TLN2: variants seen among roughly 807,000 people sequenced by gnomAD.
TLN2 encodes talin 2, also known as talin-2.
In TLN2, 118 loss-of-function variants were observed where a neutral mutation model predicts 294.7. The observed-to-expected ratio is 0.40, with a 90% CI of 0.34 to 0.47. The LOEUF (loss-of-function observed/expected upper bound fraction) is 0.47. Among genes scored for constraint, TLN2 ranks in the 20% least tolerant of loss-of-function variants. The pLI, the probability that TLN2 is intolerant of heterozygous loss-of-function variation, is 0.84. For missense variants in TLN2, 3,083 were observed against 3,282.2 expected, an observed-to-expected ratio of 0.94 and a Z score of 1.48; for synonymous variants, 1,431 against 1,304.5, an observed-to-expected ratio of 1.10 and a Z score of -2.09.
chr15:62,532,923 A>C (rs2041127046), intron 1 of TLN2, among the ~76,000 whole-genome samples: 1 of 152,136 alleles, frequency 6.6e-6, no homozygotes, highest in South Asian at 2.1e-4. Flanking sequence ...TCAAATTTTT[A>C]TGTGTGCAGG....
chr15:62,520,421 G>A (rs2040398589), intron 1 of TLN2, among the ~76,000 whole-genome samples: 1 of 152,186 alleles, frequency 6.6e-6, no homozygotes, highest in African/African-American at 2.4e-5. Flanking sequence ...AAGGCACAGA[G>A]CTGAGTAATG....
intron 44 of TLN2, among the ~76,000 whole-genome samples, 157 bp downstream of exon 44, chr15:62,781,398 C>G (rs1183269624): frequency 6.6e-6 from 1 of 152,228 alleles, no homozygotes; most frequent in Non-Finnish European, 1.5e-5. Context: ...TGTGGTCTTT[C>G]TGGCTGCCTG....
chr15:62,839,947 C>G (rs1454818926), intron 58 of TLN2, among the ~76,000 whole-genome samples: 1 of 152,186 alleles, frequency 6.6e-6, no homozygotes, highest in African/African-American at 2.4e-5. Context: ...ACAACTTTCC[C>G]TTTCCACACA....
At chr15:62,658,222 C>T (rs1040369761) in intron 9 of TLN2, 5 of 228,306 alleles carry the variant, frequency 2.2e-5, no homozygotes, top group East Asian at 1.3e-4. Flanking sequence ...AAGGTGTGAA[C>T]GCCAGTGTGG....
chr15:62,462,823 C>A (rs889571012), intron 1 of TLN2, among the ~76,000 whole-genome samples: 5 of 152,154 alleles, frequency 3.3e-5, no homozygotes, highest in South Asian at 2.1e-4. Flanking sequence ...CTCTTTCCCT[C>A]GTTCATTGCC....
chr15:62,484,116 G>A (rs994462367), intron 1 of TLN2, among the ~76,000 whole-genome samples: 1 of 152,142 alleles, frequency 6.6e-6, no homozygotes, highest in Non-Finnish European at 1.5e-5. Context: ...TCTGGAAGGC[G>A]GCTCTGGTGA....
chr15:62,593,723 A>C (rs572318956), intron 2 of TLN2, among the ~76,000 whole-genome samples: 7 of 152,338 alleles, frequency 4.6e-5, no homozygotes, highest in African/African-American at 1.7e-4. Flanking sequence ...AAGCCATTCT[A>C]TTCTGTTTAC....
chr15:62,719,803 G>A lies in TLN2; in HGVS notation c.2914G>A (p.Val972Met), dbSNP rs746979515. ...TCACATCCCTCAGCTGGTCCAGGGA[G>A]TGAGGGGGAGCCAAGCTCAAGCTGA... The part of the protein sequence containing the change: ...ADHIPQLVQG[V>M]RGSQAQAEDL... The change falls in exon 25 of 59, where the codon GTG (valine) becomes ATG (methionine). Residue 972 changes from valine to methionine, a missense_variant. Val to Met is a conservative substitution (Grantham distance 21, BLOSUM62 1). Transcript: ENST00000636159. The A allele has an allele frequency of 1.9e-6, 3 of 1,611,968 alleles. No individual in the cohort carries two copies. The highest frequency in any genetic ancestry group is 2.5e-6 in the Non-Finnish European group (3 of 1,178,922).
intron 9 of TLN2, among the ~76,000 whole-genome samples, chr15:62,667,830 G>A (rs900896005): frequency 5.3e-5 from 8 of 152,162 alleles, no homozygotes; most frequent in African/African-American, 1.9e-4. Context: ...AAGAAAATGA[G>A]GTTCGATTAT....
chr15:62,736,871 C>A lies in TLN2; in HGVS notation c.3359-7C>A, dbSNP rs746441745. ...TAATTGGAAATCTGATGGACTTTTT[C>A]CCCCAGGGGTGGCTGCTAGAGAGAC... On this transcript the variant is annotated splice_polypyrimidine_tract_variant and splice_region_variant and intron_variant, in intron 28 of 58. Coordinates refer to ENST00000636159, the MANE Select transcript of TLN2 (RefSeq NM_015059.3). 1.2e-6 allele frequency: 2 copies of A among 1,611,332 alleles called. No homozygotes were observed. Among genetic ancestry groups the A allele is most frequent in the Admixed American group, 3.3e-5 (2 of 59,830 alleles).
chr15:62,725,249 C>T (rs1022196115), intron 27 of TLN2, 145 bp downstream of exon 27: 217 of 1,258,710 alleles, frequency 1.7e-4, no homozygotes, highest in South Asian at 5.2e-5. Flanking sequence ...ATGCCCAGGG[C>T]AGCTGGAGGA....
intron 44 of TLN2, among the ~76,000 whole-genome samples, chr15:62,782,356 G>C (rs2064250685): frequency 6.6e-6 from 1 of 152,212 alleles, no homozygotes; most frequent in South Asian, 2.1e-4. Context: ...CCTTCTCAGG[G>C]GAGCATGGAG....
intron 1 of TLN2, among the ~76,000 whole-genome samples, chr15:62,437,918 A>G (rs1175578284): frequency 2.0e-5 from 3 of 152,190 alleles, no homozygotes; most frequent in Non-Finnish European, 2.9e-5. Flanking sequence ...TGGCAATGCA[A>G]CGGATTGATT....
rs2040842334 is a variant in TLN2 at position 62,528,192 on chromosome 15, A to G, written c.-237-61495A>G. ...TTACTGAAGCCAAAATATAATTTAA[A>G]TTGATAATTTGTTAAATGGATATGT... On this transcript the variant is annotated intron_variant, in intron 1 of 58. Coordinates refer to ENST00000636159, the MANE Select transcript of TLN2 (RefSeq NM_015059.3). 3.3e-5 allele frequency among the ~76,000 whole-genome samples: 5 copies of G among 152,350 alleles called. No individual in the cohort carries two copies. The South Asian group carries it at 1.0e-3, about 32-fold the overall frequency.
intron 1 of TLN2, among the ~76,000 whole-genome samples, chr15:62,582,265 T>TCATG (rs2045189894): frequency 9.2e-6 from 1 of 108,774 alleles, no homozygotes. Context: ...CCTGACCCAT[T>TCATG]CCTGACCCTG....
At chr15:62,810,343 C>T (rs955034974) in intron 52 of TLN2, among the ~76,000 whole-genome samples, 3 of 152,142 alleles carry the variant, frequency 2.0e-5, no homozygotes, top group African/African-American at 7.2e-5. Flanking sequence ...GCGGCCAGTG[C>T]CAACCTGAAA....
chr15:62,809,352 A>T (rs1289143351), intron 51 of TLN2, among the ~76,000 whole-genome samples: 1 of 152,150 alleles, frequency 6.6e-6, no homozygotes, highest in Non-Finnish European at 1.5e-5. Flanking sequence ...CGACTTTTGT[A>T]TAATATGAGA....
chr15:62,423,108 T>C (rs2034505244), intron 1 of TLN2, among the ~76,000 whole-genome samples: 1 of 152,182 alleles, frequency 6.6e-6, no homozygotes, highest in Non-Finnish European at 1.5e-5. Context: ...TAAAAAGTCA[T>C]TGGGACCTGG....
At chr15:62,590,010 T>TTTGTTG (rs1453303387) in intron 2 of TLN2, among the ~76,000 whole-genome samples, 2 of 151,742 alleles carry the variant, frequency 1.3e-5, no homozygotes, top group African/African-American at 4.8e-5. Context: ...GGTTTTTGTT[T>TTTGTTG]TTGTTTTTGT....
Sources: allele counts gnomAD v4.1 joint callset (sites outside exome capture counted in the v4.1 genomes callset), GRCh38; gene constraint gnomAD v4.1.1; transcripts MANE v1.5; gene names NCBI Gene and HGNC (gene_info 2026-07-23, HGNC 2026-07-21).